The following STK32B variants were observed in gnomAD, a reference collection of about 807,000 sequenced individuals.
The protein encoded by STK32B is serine/threonine kinase 32B.
STK32B carries 43 observed loss-of-function variants against 52.6 expected under a neutral mutation model. That is an observed-to-expected ratio of 0.82 (90% confidence interval 0.64 to 1.05). The LOEUF is 1.05. Among genes scored for constraint, STK32B ranks in the 50% least tolerant of loss-of-function variants. The probability of loss-of-function intolerance (pLI) is 0.00; values close to 1 mark genes in which losing one functional copy is unlikely to be tolerated. For synonymous variants in STK32B, 238 were observed against 204.3 expected (o/e 1.17, Z -1.41); for missense variants, 621 against 534.6 (o/e 1.16, Z -1.59).
At chr4:5,251,783 CT>C (rs1725952377) in intron 3 of STK32B, among the ~76,000 whole-genome samples, 1 of 152,300 alleles carries the variant, frequency 6.6e-6, no homozygotes, top group South Asian at 2.1e-4. Context: ...TTACACAGAT[CT>C]TTCACCTCCC....
At position 5,082,212 on chromosome 4, in the gene STK32B, G is replaced by A. The variant is rs1171688827; in HGVS notation, c.52+30297G>A. Among the ~76,000 whole-genome samples the A allele has an allele frequency of 5.9e-5, 9 of 151,950 alleles. No individual in the cohort carries two copies. In the South Asian group the frequency reaches 6.2e-4, roughly 11 times the overall value. On this transcript the variant is annotated intron_variant, in intron 1 of 11. Coordinates refer to ENST00000282908, the MANE Select transcript of STK32B (RefSeq NM_018401.3). ...CTGAGAGCCTCCCATTTGTTGTCCCGAAGGAGGTATCCTGAAATTCTCAAG... is the reference window on the plus strand; with the variant it reads ...CTGAGAGCCTCCCATTTGTTGTCCCAAAGGAGGTATCCTGAAATTCTCAAG...
intron 3 of STK32B, among the ~76,000 whole-genome samples, chr4:5,311,680 T>A (rs137893909): frequency 2.1e-4 from 32 of 152,094 alleles, no homozygotes; most frequent in African/African-American, 7.7e-4. Flanking sequence ...TTTGATAGCT[T>A]AGAAGAAATG....
chr4:5,463,839 A>T (rs888299141), intron 9 of STK32B, among the ~76,000 whole-genome samples: 1 of 152,138 alleles, frequency 6.6e-6, no homozygotes, highest in African/African-American at 2.4e-5. Flanking sequence ...CCCCTCCTTC[A>T]AGACAGCATA....
chr4:5,370,066 G>A lies in STK32B; in HGVS notation c.435-28141G>A, dbSNP rs1006092406. ...ATTTTTTGTATTTTTAGTAGAGACG[G>A]GGTTTCACCATTTTGGTCAGGCTGT... On this transcript the variant is annotated intron_variant, in intron 4 of 11. Transcript: ENST00000282908. Among the ~76,000 whole-genome samples, 3 of 151,816 alleles carry A rather than the reference G, an allele frequency of 2.0e-5. No individual in the cohort carries two copies. In the East Asian group the frequency reaches 5.8e-4, roughly 29 times the overall value.
At chr4:5,249,779 T>C (rs548400957) in intron 3 of STK32B, among the ~76,000 whole-genome samples, 21 of 152,292 alleles carry the variant, frequency 1.4e-4, no homozygotes, top group African/African-American at 4.8e-4. Context: ...GTTTTTCTTT[T>C]AGTTTCAGAG....
intron 2 of STK32B, among the ~76,000 whole-genome samples, chr4:5,151,520 T>G (rs960341558): frequency 9.2e-5 from 14 of 152,230 alleles, no homozygotes; most frequent in African/African-American, 3.1e-4. Context: ...CAGAAATCTT[T>G]TCACTGTCAT....
In STK32B at chr4:5,398,171, G is replaced by C. The variant is rs372358337; in HGVS notation, c.435-36G>C. The C allele has an allele frequency of 5.9e-5, 95 of 1,612,992 alleles. No individual in the cohort carries two copies. The highest frequency in any genetic ancestry group is 8.1e-5 in the Non-Finnish European group (95 of 1,179,604). On this transcript the variant is annotated intron_variant, in intron 4 of 11. Transcript: ENST00000282908. The surrounding 1 kb of genome is among the most constrained non-coding windows in gnomAD (Gnocchi z 4.9). The stretch of plus-strand genomic sequence containing the variant: ...TCTATGTGCTCATCTGTGGGCTCAG[G>C]AACCACATTGCCAGCTTCTTTGTTT...
chr4:5,421,577 C>T (rs1712652638), intron 6 of STK32B, among the ~76,000 whole-genome samples: 1 of 152,180 alleles, frequency 6.6e-6, no homozygotes, highest in South Asian at 2.1e-4. Context: ...CATGTGGCAC[C>T]ATGCCTAACA....
intron 6 of STK32B, among the ~76,000 whole-genome samples, chr4:5,421,289 A>G (rs1481377145): frequency 6.6e-6 from 1 of 150,976 alleles, no homozygotes; most frequent in Non-Finnish European, 1.5e-5. Flanking sequence ...ACGGGGTTTC[A>G]CTGTGTTAGC....
chr4:5,173,913 C>T (rs1453380304), intron 3 of STK32B, among the ~76,000 whole-genome samples: 1 of 152,144 alleles, frequency 6.6e-6, no homozygotes, highest in African/African-American at 2.4e-5. Context: ...ATGTTAAAGT[C>T]TCCTATTATT....
At chr4:5,309,013 CA>C (rs558952648) in intron 3 of STK32B, among the ~76,000 whole-genome samples, 3 of 151,804 alleles carry the variant, frequency 2.0e-5, no homozygotes, top group African/African-American at 2.4e-5. Context: ...AAAAGCTCCA[CA>C]AAAAAACTCT....
At chr4:5,313,663 G>A (rs1012333735) in intron 3 of STK32B, among the ~76,000 whole-genome samples, 5 of 152,116 alleles carry the variant, frequency 3.3e-5, no homozygotes, top group East Asian at 3.9e-4. Context: ...GTGTATGTGC[G>A]TGTGTGTGCA....
At chr4:5,076,464 G>A (rs1712080522) in intron 1 of STK32B, among the ~76,000 whole-genome samples, 1 of 152,044 alleles carries the variant, frequency 6.6e-6, no homozygotes, top group African/African-American at 2.4e-5. Flanking sequence ...TTTCCTTACA[G>A]TTGTCAATTC....
intron 6 of STK32B, among the ~76,000 whole-genome samples, chr4:5,419,530 C>T (rs1242135636): frequency 3.9e-5 from 6 of 152,206 alleles, no homozygotes; most frequent in African/African-American, 9.6e-5. Flanking sequence ...CAGCTTCAGC[C>T]GCTGTTCTCA....
intron 6 of STK32B, among the ~76,000 whole-genome samples, chr4:5,425,278 T>C (rs67210615): frequency 0.15 from 23,212 of 152,166 alleles, 2,431 homozygotes; most frequent in East Asian, 0.41. Context: ...AAATTTCTGG[T>C]TGGTGAAGCA....
At chr4:5,351,222 G>GGACACAAAACAA (rs77837483) in intron 4 of STK32B, among the ~76,000 whole-genome samples, 11,030 of 151,936 alleles carry the variant, frequency 0.073, 730 homozygotes, top group Admixed American at 0.19. Context: ...CCATATGTTA[G>GGACACAAAACAA]GTCTCAACAA....
At chr4:5,035,993 G>T in the STK32B span, among the ~76,000 whole-genome samples, 3 of 151,952 alleles carry the variant, frequency 2.0e-5, no homozygotes, top group Non-Finnish European at 4.4e-5. Flanking sequence ...TGTTGTTCAG[G>T]CTGGTTTTGA....
At chr4:5,215,985 T>G (rs967355712) in intron 3 of STK32B, among the ~76,000 whole-genome samples, 1 of 152,184 alleles carries the variant, frequency 6.6e-6, no homozygotes, top group African/African-American at 2.4e-5. Flanking sequence ...TTATCCAAAG[T>G]TGGCCTGCAA....
At chr4:5,321,020 G>A (rs1731451887) in intron 3 of STK32B, among the ~76,000 whole-genome samples, 1 of 152,154 alleles carries the variant, frequency 6.6e-6, no homozygotes, top group Non-Finnish European at 1.5e-5. Flanking sequence ...TATGCACTGT[G>A]TAGTTGAAGG....
Sources: allele counts gnomAD v4.1 joint callset (sites outside exome capture counted in the v4.1 genomes callset), GRCh38; gene constraint gnomAD v4.1.1; non-coding constraint Gnocchi (gnomAD v3.1); transcripts MANE v1.5; gene names NCBI Gene and HGNC (gene_info 2026-07-23, HGNC 2026-07-21).